ZNF568: variants seen among roughly 807,000 people sequenced by gnomAD.
ZNF568 encodes the protein p53 inhibitor of SCO2 activation.
A neutral mutation model predicts 18.1 loss-of-function variants in ZNF568; 11 were observed. That is an observed-to-expected ratio of 0.61 (90% confidence interval 0.38 to 1.00). The LOEUF is 1.00. ZNF568 is among the 50% of genes least tolerant of loss of function. ZNF568 has a pLI of 0.01. For missense variants in ZNF568, 639 were observed against 768.2 expected, an observed-to-expected ratio of 0.83 and a Z score of 1.99; for synonymous variants, 213 against 246.6, an observed-to-expected ratio of 0.86 and a Z score of 1.28.
chr19:36,980,354 T>G (rs1300857652), downstream of ZNF568: 1 of 152,248 alleles, frequency 6.6e-6, no homozygotes, highest in East Asian at 1.9e-4. Context: ...TCAATTCACT[T>G]GGAATTAATT....
At chr19:36,934,182 T>G (rs2073747705) in intron 4 of ZNF568, among the ~76,000 whole-genome samples, 1 of 151,896 alleles carries the variant, frequency 6.6e-6, no homozygotes, top group Admixed American at 6.6e-5. Context: ...ATTTTGTCAA[T>G]TTTTAGTTTT....
chr19:36,952,138 A>G lies in ZNF568; in HGVS notation c.*1050A>G. On this transcript the variant is annotated 3_prime_UTR_variant, in exon 7 of 7. Transcript: ENST00000333987. ...CACAAATAATGCATAAGAAATATAT[A>G]TATAATATATGTATGTATGTATAGC... 1 of 628,454 alleles carries G rather than the reference A, an allele frequency of 1.6e-6. No homozygotes were observed. Among genetic ancestry groups the G allele is most frequent in the Non-Finnish European group, 2.0e-6 (1 of 506,040 alleles). The allele number at this position is 628,454 out of a possible 1,614,324, so 38.9% of individuals were successfully genotyped here.
At chr19:36,993,217 T>A (rs962167139) in intron 4 of ZNF568, among the ~76,000 whole-genome samples, 1 of 152,236 alleles carries the variant, frequency 6.6e-6, no homozygotes, top group African/African-American at 2.4e-5. Context: ...GTAGTTTATG[T>A]CCTTTGTTGT....
chr19:36,959,426 G>C (rs1000148084), intron 6 of ZNF568, among the ~76,000 whole-genome samples: 6 of 152,056 alleles, frequency 3.9e-5, no homozygotes, highest in African/African-American at 1.4e-4. Context: ...GTGCTTTTTT[G>C]AGGATTTTTG....
chr19:36,978,647 C>A (rs1205215745), intron 7 of ZNF568, among the ~76,000 whole-genome samples: 2 of 152,206 alleles, frequency 1.3e-5, no homozygotes, highest in Non-Finnish European at 2.9e-5. Flanking sequence ...GGCAACGTAT[C>A]CTGCTTAAAA....
intron 4 of ZNF568, among the ~76,000 whole-genome samples, chr19:36,931,259 A>T (rs917026598): frequency 6.6e-6 from 1 of 152,238 alleles, no homozygotes; most frequent in African/African-American, 2.4e-5. Context: ...GTTTACTGAC[A>T]TTCCTTTTGC....
chr19:36,930,536 T>G (rs751687110), intron 4 of ZNF568, among the ~76,000 whole-genome samples: 6 of 152,150 alleles, frequency 3.9e-5, no homozygotes, highest in Non-Finnish European at 7.4e-5. Context: ...ATATGAGATT[T>G]ATGCTAAGTT....
In ZNF568 at chr19:36,949,712, C is replaced by CT; in HGVS notation, c.559_560insT (p.His187LeufsTer2). ...TGACTCACTTGATAAGGGTTTGGAACATAATTTAGACTTACTTAGATATGA... is the reference window on the plus strand; with the variant it reads ...TGACTCACTTGATAAGGGTTTGGAACTATAATTTAGACTTACTTAGATATGA... On this transcript the variant is annotated frameshift_variant, in exon 7 of 7. Coordinates refer to ENST00000333987, the MANE Select transcript of ZNF568 (RefSeq NM_198539.4). LOFTEE classifies it low-confidence loss of function (END_TRUNC). 6.2e-7 allele frequency: 1 copy of CT among 1,613,814 alleles called. No homozygotes were observed. Among genetic ancestry groups the CT allele is most frequent in the Non-Finnish European group, 8.5e-7 (1 of 1,179,824 alleles).
chr19:36,946,052 G>A (rs181848989), intron 6 of ZNF568, among the ~76,000 whole-genome samples: 13 of 151,934 alleles, frequency 8.6e-5, no homozygotes, highest in Admixed American at 5.2e-4. Flanking sequence ...CCGAGATTGC[G>A]CCACTGCACT....
intron 6 of ZNF568, among the ~76,000 whole-genome samples, chr19:36,944,863 A>G (rs538534): frequency 0.58 from 88,700 of 151,944 alleles, 27,050 homozygotes; most frequent in African/African-American, 0.74. Context: ...ATGTCTTTTG[A>G]GTTTTCTTCC....
chr19:36,934,216 T>C (rs1334144289), intron 4 of ZNF568, among the ~76,000 whole-genome samples: 1 of 151,808 alleles, frequency 6.6e-6, no homozygotes, highest in Non-Finnish European at 1.5e-5. Flanking sequence ...AATGTTTTTC[T>C]AGTCTAAATT....
chr19:36,986,883 A>C (rs552459641), intron 2 of ZNF568, among the ~76,000 whole-genome samples: 12 of 152,228 alleles, frequency 7.9e-5, no homozygotes, highest in African/African-American at 2.9e-4. Context: ...GGGCCAGCTG[A>C]GGGTTCTTTC....
At position 36,933,898 on chromosome 19, in the gene ZNF568, G is replaced by GTTTTTTTTTTTTTTTTTTTTT. The variant is rs200880642; in HGVS notation, c.136-2848_136-2847insTTTTTTTTTTTTTTTTTTTTT. Among the ~76,000 whole-genome samples the GTTTTTTTTTTTTTTTTTTTTT allele has an allele frequency of 1.6e-4, 4 of 25,772 alleles. 1 individual carries two copies. The highest frequency in any genetic ancestry group is 8.4e-4 in the African/African-American group (3 of 3,564). 16.9% of individuals were successfully genotyped at this position (25,772 alleles called of 152,430 possible). ...TAGGCCTGAGTTTTTCTTTTGGGTAGGTTTTTTTTTTTGTTTTGTTTTTTT... is the reference window on the plus strand; with the variant it reads ...TAGGCCTGAGTTTTTCTTTTGGGTAGTTTTTTTTTTTTTTTTTTTTTGTTTTTTTTTTTGTTTTGTTTTTTT... On this transcript the variant is annotated intron_variant, in intron 4 of 6. Coordinates refer to ENST00000333987, the MANE Select transcript of ZNF568 (RefSeq NM_198539.4).
chr19:36,936,997 C>T, intron 5 of ZNF568, 125 bp downstream of exon 5: 1 of 1,374,002 alleles, frequency 7.3e-7, no homozygotes, highest in Non-Finnish European at 1.0e-6. Flanking sequence ...ATGTGCTCCA[C>T]TCTTCAGTGT....
chr19:36,922,550 G>A (rs575127888), intron 2 of ZNF568, 36 bp from the exon 3 acceptor site: 2 of 405,182 alleles, frequency 4.9e-6, no homozygotes, highest in Non-Finnish European at 8.8e-6. Flanking sequence ...CAGTGAGAAG[G>A]CACCAGGTAA....
At chr19:36,924,464 G>A (rs931353994) in intron 3 of ZNF568, among the ~76,000 whole-genome samples, 14 of 148,238 alleles carry the variant, frequency 9.4e-5, no homozygotes, top group African/African-American at 3.5e-4. Context: ...TGATCCGCCC[G>A]CCTTGGCCTC....
At chr19:36,987,320 T>C (rs1395710636) in intron 2 of ZNF568, among the ~76,000 whole-genome samples, 1 of 152,198 alleles carries the variant, frequency 6.6e-6, no homozygotes, top group Non-Finnish European at 1.5e-5. Flanking sequence ...CTGCTGAGGC[T>C]GCTGAGAGCC....
downstream of ZNF568, among the ~76,000 whole-genome samples, chr19:36,981,940 A>AT (rs34795424): frequency 6.0e-4 from 90 of 149,762 alleles, 1 homozygote; most frequent in African/African-American, 1.7e-3. Flanking sequence ...CTTGCCATTG[A>AT]TTTTTTTTTT....
At chr19:36,955,390 TG>T (rs1159225725), downstream of ZNF568, among the ~76,000 whole-genome samples, 4 of 152,096 alleles carry the variant, frequency 2.6e-5, no homozygotes, top group Non-Finnish European at 5.9e-5. Flanking sequence ...ATTTCTCTTT[TG>T]GCCTCTCTCA....
Sources: gnomAD v4.1 joint callset for allele counts (sites outside exome capture counted in the v4.1 genomes callset) on GRCh38, gnomAD v4.1.1 for gene constraint, MANE v1.5 for transcripts, NCBI Gene and HGNC (gene_info 2026-07-23, HGNC 2026-07-21) for gene names.